CRYZL1: variants seen among roughly 807,000 people sequenced by gnomAD.
The protein encoded by CRYZL1 is ferry endosomal RAB5 effector complex subunit 4.
Under a neutral mutation model 50.6 loss-of-function variants are expected in CRYZL1, and 34 were observed. That is an observed-to-expected ratio of 0.67 (90% CI 0.51 to 0.89). CRYZL1 has a LOEUF of 0.89. Among genes scored for constraint, CRYZL1 ranks in the 40% least tolerant of loss-of-function variants. CRYZL1 has a pLI of 0.00. For synonymous variants in CRYZL1, 125 were observed against 134.3 expected (o/e 0.93, Z 0.48); for missense variants, 354 against 402.3 (o/e 0.88, Z 1.03).
At chr21:33,607,343 T>C (rs2086824234) in intron 6 of CRYZL1, among the ~76,000 whole-genome samples, 1 of 152,074 alleles carries the variant, frequency 6.6e-6, no homozygotes, top group Non-Finnish European at 1.5e-5. Flanking sequence ...TGAGCACTCA[T>C]TAAACAATCA....
At chr21:33,629,678 C>G (rs1015364177) in intron 2 of CRYZL1, among the ~76,000 whole-genome samples, 7 of 152,210 alleles carry the variant, frequency 4.6e-5, no homozygotes, top group Admixed American at 2.0e-4. Context: ...CATCTGCAAA[C>G]AGGGATGGTT....
At chr21:33,612,832 T>C (rs552684124) in intron 6 of CRYZL1, among the ~76,000 whole-genome samples, 1 of 151,950 alleles carries the variant, frequency 6.6e-6, no homozygotes, top group South Asian at 2.1e-4. Context: ...CAAAGATAAG[T>C]GCTCTTTTTT....
intron 3 of CRYZL1, 48 bp downstream of exon 3, chr21:33,624,635 A>G (rs1397250596): frequency 5.0e-6 from 8 of 1,600,966 alleles, no homozygotes; most frequent in East Asian, 4.5e-5. Flanking sequence ...CACTAAATAC[A>G]CTAAGAAACT....
intron 11 of CRYZL1, among the ~76,000 whole-genome samples, chr21:33,593,915 T>C (rs1569080791): frequency 7.3e-6 from 1 of 136,138 alleles, no homozygotes; most frequent in East Asian, 2.3e-4. Context: ...AACCCAGGAG[T>C]TGGAGGTTGC....
At chr21:33,603,380 C>A (rs2086775721) in intron 7 of CRYZL1, 24 bp downstream of exon 7, 1 of 1,611,302 alleles carries the variant, frequency 6.2e-7, no homozygotes, top group Non-Finnish European at 8.5e-7. Flanking sequence ...TTGTCTGTTT[C>A]TTAACAAAAC....
chr21:33,590,056 C>G, intron 12 of CRYZL1, 135 bp from the exon 13 acceptor site: 1 of 574,432 alleles, frequency 1.7e-6, no homozygotes, highest in East Asian at 3.1e-5. Context: ...CTGGCTCTCT[C>G]ATCCAGGCTG....
At chr21:33,595,554 C>T (rs758306944) in intron 11 of CRYZL1, 177 bp downstream of exon 11, 1 of 1,274,638 alleles carries the variant, frequency 7.8e-7, no homozygotes, top group Non-Finnish European at 1.1e-6. Flanking sequence ...GATAACAGTA[C>T]TTACATCTCA....
In CRYZL1 at chr21:33,632,198, G is replaced by A. The variant is rs966080618; in HGVS notation, c.-6-641C>T. On this transcript the variant is annotated intron_variant, in intron 1 of 12. Transcript: ENST00000381554. The stretch of plus-strand genomic sequence containing the variant: ...AAAAAAAAAATTAGCCAGGTGTGGC[G>A]GTGCGTGCCTGTAATCCTAGCTACT... Among the ~76,000 whole-genome samples, 27 of 150,834 alleles carry A rather than the reference G, an allele frequency of 1.8e-4. No individual in the cohort carries two copies. In the East Asian group the frequency reaches 3.6e-3, roughly 20 times the overall value.
chr21:33,631,344 TAAAGG>T, intron 2 of CRYZL1, 137 bp downstream of exon 2: 1 of 496,380 alleles, frequency 2.0e-6, no homozygotes, highest in Middle Eastern at 5.9e-4. Context: ...ACATAAAATT[TAAAGG>T]AAAGTACTGT....
chr21:33,591,457 T>C, intron 11 of CRYZL1: 1 of 555,268 alleles, frequency 1.8e-6, no homozygotes, highest in Non-Finnish European at 3.2e-6. Context: ...AAGTCAAGCC[T>C]GGTGCTTATC....
At chr21:33,612,293 T>C (rs1224597357) in intron 6 of CRYZL1, among the ~76,000 whole-genome samples, 1 of 152,042 alleles carries the variant, frequency 6.6e-6, no homozygotes, top group African/African-American at 2.4e-5. Flanking sequence ...GGTCATTTTT[T>C]TTTTTTTTTT....
intron 11 of CRYZL1, chr21:33,595,373 G>T: frequency 3.8e-6 from 5 of 1,310,126 alleles, no homozygotes; most frequent in Non-Finnish European, 5.0e-6. Flanking sequence ...GGTGATGTGT[G>T]CTTTCCTTAA....
chr21:33,614,722 C>A (rs1280596486), intron 5 of CRYZL1, among the ~76,000 whole-genome samples: 1 of 152,090 alleles, frequency 6.6e-6, no homozygotes, highest in Admixed American at 6.6e-5. Context: ...CAGGCGTGCA[C>A]CACCACGCCC....
At chr21:33,622,132 T>C (rs745753392) in intron 3 of CRYZL1, 64 bp from the exon 4 acceptor site, 1 of 1,285,264 alleles carries the variant, frequency 7.8e-7, no homozygotes. Context: ...CCATTATATA[T>C]GAGGAAAGCG....
chr21:33,599,273 A>ATT, intron 8 of CRYZL1, 25 bp from the exon 9 acceptor site: 1 of 1,613,872 alleles, frequency 6.2e-7, no homozygotes, highest in Middle Eastern at 1.7e-4. Flanking sequence ...AAATCAGGCA[A>ATT]TTGTACTGTT....
chr21:33,598,832 A>G (rs1301999394), intron 9 of CRYZL1, among the ~76,000 whole-genome samples: 2 of 150,610 alleles, frequency 1.3e-5, no homozygotes, highest in Non-Finnish European at 3.0e-5. Context: ...TTGGCTCATA[A>G]GATATCATTA....
Position 33,596,122 on chromosome 21 carries a change from T to C in CRYZL1, c.799-286A>G, listed in dbSNP as rs145222258. 5.5e-5 allele frequency: 32 copies of C among 580,802 alleles called. No homozygotes were observed. In the African/African-American group the frequency reaches 5.7e-4, roughly 10 times the overall value. 36.0% of individuals were successfully genotyped at this position (580,802 alleles called of 1,614,324 possible). A position where few individuals can be genotyped will look rare whatever the true frequency, so the allele number is the denominator to read the frequency against. ...TTTCTGGCCATCTTCATGAGGGTGT[T>C]GGAAAATCAGTGAAGATTGGTAGGT... On this transcript the variant is annotated intron_variant, in intron 10 of 12. Transcript: ENST00000381554.
At chr21:33,612,261 C>A (rs1049529028) in intron 6 of CRYZL1, among the ~76,000 whole-genome samples, 5 of 151,906 alleles carry the variant, frequency 3.3e-5, no homozygotes, top group African/African-American at 1.2e-4. Flanking sequence ...CATCATTCCA[C>A]ATCCTTCCCA....
In CRYZL1 at chr21:33,610,983, G is replaced by C. The variant is rs555224447; in HGVS notation, c.331+2555C>G. Among the ~76,000 whole-genome samples the C allele has an allele frequency of 2.0e-5, 3 of 151,814 alleles. No homozygotes were observed. In the East Asian group the frequency reaches 5.8e-4, roughly 29 times the overall value. ...TGACCTCAGGCGATCCACCCATCTC[G>C]GCCTCCCAAAGTGCTGGGATTACAG... On this transcript the variant is annotated intron_variant, in intron 6 of 12. Transcript: ENST00000381554.
Sources: allele counts gnomAD v4.1 joint callset (sites outside exome capture counted in the v4.1 genomes callset), GRCh38; gene constraint gnomAD v4.1.1; transcripts MANE v1.5; gene names NCBI Gene and HGNC (gene_info 2026-07-23, HGNC 2026-07-21).